Variants in FOXRED2 observed in about 807,000 individuals in gnomAD.
FOXRED2 encodes the protein FAD dependent oxidoreductase domain containing 2, also known as FAD-dependent oxidoreductase domain-containing protein 2.
In FOXRED2, 32 loss-of-function variants were observed where a neutral mutation model predicts 52.5. The observed-to-expected ratio is 0.61, with a 90% CI of 0.46 to 0.82. The LOEUF is 0.82. Among genes scored for constraint, FOXRED2 ranks in the 40% least tolerant of loss-of-function variants. The probability of loss-of-function intolerance (pLI) is 0.00; values close to 1 mark genes in which losing one functional copy is unlikely to be tolerated. For missense variants in FOXRED2, 848 were observed against 937.5 expected (o/e 0.90, Z 1.25); for synonymous variants, 405 against 398.1 (o/e 1.02, Z -0.21).
At position 36,489,929 on chromosome 22, in the gene FOXRED2, GGTT is replaced by G; in HGVS notation, c.*76_*78del. ...CAATCACGCATTGGCGGGAGTGTGA[GGTT>G]GCGGGGAAAGAGGGACTGACCATGG... is the stretch of plus-strand genomic sequence containing the variant. On this transcript the variant is annotated 3_prime_UTR_variant, in exon 9 of 9. Transcript: ENST00000397224. The G allele has an allele frequency of 4.3e-6, 6 of 1,392,846 alleles. No homozygotes were observed. The highest frequency in any genetic ancestry group is 4.8e-6 in the Non-Finnish European group (5 of 1,037,428). 86.3% of individuals were successfully genotyped at this position (1,392,846 alleles called of 1,614,324 possible).
At chr22:36,503,556 C>T (rs1313430893) in intron 4 of FOXRED2, among the ~76,000 whole-genome samples, 1 of 152,110 alleles carries the variant, frequency 6.6e-6, no homozygotes, top group East Asian at 1.9e-4. Context: ...AGTGATCCAC[C>T]TGTCTCGGCC....
Position 36,493,781 on chromosome 22 carries a change from A to G in FOXRED2, c.1647T>C (p.Pro549=). ...TGGGCCGAGGCAGGGGCCAGTGTGCAGGGCGGAACCTCACCTCCTGTTCTG... is the reference window on the plus strand; with the variant it reads ...TGGGCCGAGGCAGGGGCCAGTGTGCGGGGCGGAACCTCACCTCCTGTTCTG... The part of the protein sequence containing the change: ...LPTEQEVRFR[P]AHWPLPRPTA... The change falls in exon 8 of 9, where the codon CCT becomes CCC. Residue 549 remains proline, a synonymous_variant. Coordinates refer to ENST00000397224, the MANE Select transcript of FOXRED2 (RefSeq NM_001102371.2). 3 of 1,614,196 alleles carry G rather than the reference A, an allele frequency of 1.9e-6. No individual in the cohort carries two copies. Among genetic ancestry groups the G allele is most frequent in the Non-Finnish European group, 1.7e-6 (2 of 1,180,006 alleles).
intron 2 of FOXRED2, 103 bp from the exon 3 acceptor site, chr22:36,504,869 C>T (rs953806709): frequency 3.3e-5 from 41 of 1,238,376 alleles, no homozygotes; most frequent in African/African-American, 2.4e-4. Context: ...TGGCTCCAAC[C>T]GCCGGCCCCT....
At chr22:36,493,217 C>T (rs924596313) in intron 8 of FOXRED2, among the ~76,000 whole-genome samples, 3 of 152,128 alleles carry the variant, frequency 2.0e-5, no homozygotes, top group African/African-American at 4.8e-5. Context: ...CTGAGGCAGG[C>T]GGATCACGAG....
Position 36,504,870 on chromosome 22 carries a change from G to T in FOXRED2, c.528-104C>A, listed in dbSNP as rs190438910. ...CCCACCCACCTGCCTGGCTCCAACC[G>T]CCGGCCCCTAAAAGAAAATAGGACA... On this transcript the variant is annotated intron_variant, in intron 2 of 8. Coordinates refer to ENST00000397224, the MANE Select transcript of FOXRED2 (RefSeq NM_001102371.2). 23 of 1,227,542 alleles carry T rather than the reference G, an allele frequency of 1.9e-5. No individual in the cohort carries two copies. In the African/African-American group the frequency reaches 3.5e-4, roughly 19 times the overall value. The allele number at this position is 1,227,542 out of a possible 1,614,324, so 76.0% of individuals were successfully genotyped here. A position where few individuals can be genotyped will look rare whatever the true frequency, so the allele number is the denominator to read the frequency against.
rs200851561 is a variant in FOXRED2, at chr22:36,490,145, G to A, written c.1918C>T (p.Leu640Phe). ...SLWQHRVESR[L>F]LRDYAPTGRR... ...CCTGTGGGGGCATAGTCCCGCAGGA[G>A]CCTGCTCTCCACTCTGTGCTGCCAA... Residue 640 changes from leucine to phenylalanine, a missense_variant, in exon 9 of 9, where the codon CTC becomes TTC. By Grantham distance (22) the Leu-to-Phe change is conservative. Transcript: ENST00000397224. The A allele has an allele frequency of 1.5e-5, 24 of 1,614,110 alleles. No individual in the cohort carries two copies. The African/African-American group carries it at 3.1e-4, about 21-fold the overall frequency.
chr22:36,502,941 C>T (rs370411053), intron 4 of FOXRED2, among the ~76,000 whole-genome samples: 1 of 152,006 alleles, frequency 6.6e-6, no homozygotes, highest in East Asian at 1.9e-4. Flanking sequence ...ATCCGCCCAC[C>T]TCAGCCTCCC....
chr22:36,493,281 A>G (rs1933803948), intron 8 of FOXRED2, among the ~76,000 whole-genome samples: 4 of 152,170 alleles, frequency 2.6e-5, no homozygotes, highest in Admixed American at 2.6e-4. Context: ...CTACTAAAAA[A>G]TAAAAAAATT....
At chr22:36,499,780 G>A (rs1324216675) in intron 5 of FOXRED2, among the ~76,000 whole-genome samples, 2 of 152,034 alleles carry the variant, frequency 1.3e-5, no homozygotes, top group African/African-American at 4.8e-5. Flanking sequence ...TTAACCACAG[G>A]AGCAGGAACA....
chr22:36,490,229 G>T lies in FOXRED2; in HGVS notation c.1834C>A (p.Pro612Thr). 2 of 1,613,192 alleles carry T rather than the reference G, an allele frequency of 1.2e-6. No individual in the cohort carries two copies. The highest frequency in any genetic ancestry group is 2.2e-5 in the South Asian group (2 of 91,022). ...AGGTACCCCTGCTGGCAAAAGGGTGGCAACTTCTGGCGCGTGAGGGCGAAC... is the reference window on the plus strand; with the variant it reads ...AGGTACCCCTGCTGGCAAAAGGGTGTCAACTTCTGGCGCGTGAGGGCGAAC... Reference protein sequence around the residue: ...FLFALTRQKLPPFCQQGYLRM... With the variant: ...FLFALTRQKLTPFCQQGYLRM... The change falls in exon 9 of 9, where the codon CCA becomes ACA. Residue 612 changes from proline to threonine, a missense_variant. Coordinates refer to ENST00000397224, the MANE Select transcript of FOXRED2 (RefSeq NM_001102371.2).
chr22:36,504,785 G>A lies in FOXRED2; in HGVS notation c.528-19C>T. The stretch of plus-strand genomic sequence containing the variant: ...GAGGACGCTGCAGGCGGGGACAGAG[G>A]AAAGATGGCTTAGTCTCTTAGCTAT... On this transcript the variant is annotated intron_variant, in intron 2 of 8. Coordinates refer to ENST00000397224, the MANE Select transcript of FOXRED2 (RefSeq NM_001102371.2). 2 of 1,612,290 alleles carry A rather than the reference G, an allele frequency of 1.2e-6. No homozygotes were observed. The highest frequency in any genetic ancestry group is 1.7e-6 in the Non-Finnish European group (2 of 1,178,768).
intron 8 of FOXRED2, among the ~76,000 whole-genome samples, chr22:36,491,759 T>G (rs1933762593): frequency 6.6e-6 from 1 of 152,208 alleles, no homozygotes; most frequent in South Asian, 2.1e-4. Context: ...TTAAACCTGT[T>G]TCTTTATAAA....
At chr22:36,495,882 G>A (rs1025842077) in intron 7 of FOXRED2, 85 bp downstream of exon 7, 4 of 1,473,250 alleles carry the variant, frequency 2.7e-6, no homozygotes, top group South Asian at 2.4e-5. Flanking sequence ...GAGCATGTGT[G>A]TGAAGGTTTC....
At chr22:36,501,159 G>C (rs1229214755) in intron 5 of FOXRED2, 82 bp downstream of exon 5, 20 of 1,416,158 alleles carry the variant, frequency 1.4e-5, no homozygotes, top group Non-Finnish European at 1.9e-5. Context: ...AATGCTTCTG[G>C]ACATAGGAGT....
chr22:36,500,732 C>T (rs760575166), intron 5 of FOXRED2, among the ~76,000 whole-genome samples: 21 of 149,958 alleles, frequency 1.4e-4, no homozygotes, highest in East Asian at 4.0e-4. Flanking sequence ...TGCAGGCGCA[C>T]GCCACCACAC....
chr22:36,506,258 G>A lies in FOXRED2; in HGVS notation c.165C>T (p.Asp55=). 1 of 1,610,818 alleles carries A rather than the reference G, an allele frequency of 6.2e-7. No individual in the cohort carries two copies. Among genetic ancestry groups the A allele is most frequent in the South Asian group, 1.1e-5 (1 of 90,958 alleles). Residue 55 remains aspartate, a synonymous_variant, in exon 2 of 9, where the codon GAC becomes GAT. Coordinates refer to ENST00000397224, the MANE Select transcript of FOXRED2 (RefSeq NM_001102371.2). Reference sequence around the variant, plus strand: ...GCGGGGCCCGCTCGAACACTGCGTAGTCGCGTCCAGCGCGCTGCAGGAAGT... The same window carrying A: ...GCGGGGCCCGCTCGAACACTGCGTAATCGCGTCCAGCGCGCTGCAGGAAGT... The part of the protein sequence containing the change: ...MAYFLQRAGR[D]YAVFERAPRP...
chr22:36,491,218 A>C (rs1933748166), intron 8 of FOXRED2, among the ~76,000 whole-genome samples: 1 of 152,070 alleles, frequency 6.6e-6, no homozygotes, highest in South Asian at 2.1e-4. Context: ...ATGCAAAGAG[A>C]GAAGCTACTG....
In FOXRED2 at chr22:36,504,186, C is replaced by T. The variant is rs778724542; in HGVS notation, c.961G>A (p.Asp321Asn). ...CGCATGGCAAAGTTGTCATTGTCGT[C>T]CTGGGGGAGGGTGATGGAGTCGGCA... ...QSADSITLPQ[D>N]DNDNFAMRVP... is the part of the protein sequence containing the mutation. The change falls in exon 4 of 9, where the codon GAC becomes AAC. Residue 321 changes from aspartate to asparagine, a missense_variant. Coordinates refer to ENST00000397224, the MANE Select transcript of FOXRED2 (RefSeq NM_001102371.2). 1.2e-6 allele frequency: 2 copies of T among 1,614,224 alleles called. No homozygotes were observed. Among genetic ancestry groups the T allele is most frequent in the East Asian group, 2.2e-5 (1 of 44,892 alleles).
intron 7 of FOXRED2, among the ~76,000 whole-genome samples, chr22:36,494,648 C>CT (rs376538168): frequency 0.023 from 3,408 of 151,106 alleles, 122 homozygotes; most frequent in African/African-American, 0.079. Context: ...CCTCCTTTTT[C>CT]TTTTTTTTTG....
Sources: gnomAD v4.1 joint callset for allele counts (sites outside exome capture counted in the v4.1 genomes callset) on GRCh38, gnomAD v4.1.1 for gene constraint, MANE v1.5 for transcripts, NCBI Gene and HGNC (gene_info 2026-07-23, HGNC 2026-07-21) for gene names.